Variants in SLC38A11 observed in about 807,000 individuals in gnomAD.
SLC38A11 encodes the protein putative sodium-coupled neutral amino acid transporter 11.
In SLC38A11, 51 loss-of-function variants were observed where a neutral mutation model predicts 49.4. That is an observed-to-expected ratio of 1.03 (90% CI 0.83 to 1.30). The LOEUF (loss-of-function observed/expected upper bound fraction) is 1.30, where lower values mean the gene tolerates loss of function less well. Among genes scored for constraint, SLC38A11 ranks in the 50% most tolerant of loss-of-function variants. The probability of loss-of-function intolerance (pLI) is 0.00; values close to 1 mark genes in which losing one functional copy is unlikely to be tolerated. For missense variants in SLC38A11, 574 were observed against 556.2 expected (o/e 1.03, Z -0.32); for synonymous variants, 203 against 192.9 (o/e 1.05, Z -0.43).
intron 10 of SLC38A11, among the ~76,000 whole-genome samples, chr2:164,909,781 A>G (rs1685269227): frequency 6.6e-6 from 1 of 152,040 alleles, no homozygotes. Context: ...AAATAACAGA[A>G]GGTCAGATAT....
At chr2:164,910,440 C>T (rs546127317) in intron 10 of SLC38A11, among the ~76,000 whole-genome samples, 60 of 152,020 alleles carry the variant, frequency 3.9e-4, no homozygotes, top group African/African-American at 1.3e-3. Context: ...AGTAAAGTTT[C>T]GAAAGGCTCT....
At chr2:164,950,616 T>G (rs1336292266) in intron 3 of SLC38A11, among the ~76,000 whole-genome samples, 1 of 152,192 alleles carries the variant, frequency 6.6e-6, no homozygotes, top group Non-Finnish European at 1.5e-5. Context: ...GAATTTTCTT[T>G]TAAATAATTT....
rs749015959 is a variant in SLC38A11, at chr2:164,915,987, CA to C, written c.618-15del. ...TCTGTTTTTGGTCTAGAAGAAAAAT[CA>C]GTTAACTTGATAAATTGTTAAATAA... On this transcript the variant is annotated splice_polypyrimidine_tract_variant and intron_variant, in intron 7 of 11. Transcript: ENST00000685975. 1 of 1,559,608 alleles carries C rather than the reference CA, an allele frequency of 6.4e-7. No homozygotes were observed. Among genetic ancestry groups the C allele is most frequent in the South Asian group, 1.2e-5 (1 of 86,896 alleles).
intron 5 of SLC38A11, among the ~76,000 whole-genome samples, chr2:164,940,748 ATG>A (rs890550173): frequency 1.4e-5 from 2 of 147,766 alleles, no homozygotes; most frequent in African/African-American, 5.0e-5. Context: ...TATGTATATG[ATG>A]TATATATATA....
chr2:164,898,637 T>A lies in SLC38A11; in HGVS notation c.1189A>T (p.Met397Leu). ...EEPRTHSDKI[M>L]SCVMLPIGAV... ...CCAATGGGAAGCATGACACAAGACA[T>A]AATCTTATCGGAGTGTGTCCTTGGT... The change falls in exon 12 of 12, where the codon ATG (methionine) becomes TTG (leucine). Residue 397 changes from methionine to leucine, a missense_variant. Physicochemically the swap from Met to Leu is conservative, Grantham distance 15 (BLOSUM62 2). Transcript: ENST00000685975. 1.2e-6 allele frequency: 2 copies of A among 1,613,490 alleles called. No individual in the cohort carries two copies. Among genetic ancestry groups the A allele is most frequent in the South Asian group, 2.2e-5 (2 of 91,062 alleles).
intron 7 of SLC38A11, among the ~76,000 whole-genome samples, chr2:164,918,967 A>G (rs1685990864): frequency 6.6e-6 from 1 of 152,218 alleles, no homozygotes. Flanking sequence ...TCAATATCAT[A>G]TAAACATCAA....
intron 7 of SLC38A11, among the ~76,000 whole-genome samples, chr2:164,936,751 G>A (rs1036155439): frequency 6.6e-6 from 1 of 152,102 alleles, no homozygotes; most frequent in African/African-American, 2.4e-5. Context: ...GTGTAGTTTA[G>A]ATTGACAATA....
Position 164,925,660 on chromosome 2 carries a change from A to G in SLC38A11, c.618-9687T>C, listed in dbSNP as rs1187775751. 2.6e-5 allele frequency among the ~76,000 whole-genome samples: 4 copies of G among 152,194 alleles called. No individual in the cohort carries two copies. The East Asian group carries it at 5.8e-4, about 22-fold the overall frequency. ...CCTGGTAAATAACATAAAAGAAGGT[A>G]GACCTCTGTATGTCTCCCTAGCAGC... On this transcript the variant is annotated intron_variant, in intron 7 of 11. Coordinates refer to ENST00000685975, the MANE Select transcript of SLC38A11 (RefSeq NM_001351537.2).
intron 10 of SLC38A11, among the ~76,000 whole-genome samples, chr2:164,910,714 A>G (rs1265762939): frequency 1.3e-5 from 2 of 152,026 alleles, no homozygotes; most frequent in African/African-American, 4.8e-5. Flanking sequence ...ATCTCATTAG[A>G]CCCTTTCACA....
chr2:164,917,158 A>C (rs1184197975), intron 7 of SLC38A11, among the ~76,000 whole-genome samples: 3 of 152,300 alleles, frequency 2.0e-5, no homozygotes, highest in Admixed American at 6.6e-5. Flanking sequence ...GTAAGACTCA[A>C]AACAATGCAT....
intron 3 of SLC38A11, among the ~76,000 whole-genome samples, chr2:164,946,018 T>TGGCAAATA (rs1688082116): frequency 6.6e-6 from 1 of 152,158 alleles, no homozygotes; most frequent in African/African-American, 2.4e-5. Context: ...CAGTGTTCCA[T>TGGCAAATA]TTTACTTTCC....
chr2:164,939,038 G>C (rs1687566115), intron 6 of SLC38A11, among the ~76,000 whole-genome samples: 1 of 151,964 alleles, frequency 6.6e-6, no homozygotes, highest in African/African-American at 2.4e-5. Context: ...AAGCACAATA[G>C]ACATTGTAAT....
intron 3 of SLC38A11, among the ~76,000 whole-genome samples, chr2:164,947,379 G>T (rs866712783): frequency 6.6e-6 from 1 of 151,860 alleles, no homozygotes; most frequent in Non-Finnish European, 1.5e-5. Context: ...TGATCCACCC[G>T]CCTAGGCCTC....
Position 164,897,209 on chromosome 2 carries a change from C to A in SLC38A11, c.*1228G>T, listed in dbSNP as rs1194676719. On this transcript the variant is annotated 3_prime_UTR_variant, in exon 12 of 12. Coordinates refer to ENST00000685975, the MANE Select transcript of SLC38A11 (RefSeq NM_001351537.2). ...GCACAGCTGTGTCTCCCAGATACCC[C>A]TGTAAGGAAGCATGTGGTGACAAAG... 1 of 152,122 alleles carries A rather than the reference C, an allele frequency of 6.6e-6. No homozygotes were observed. The highest frequency in any genetic ancestry group is 1.5e-5 in the Non-Finnish European group (1 of 68,024). 9.4% of individuals were successfully genotyped at this position (152,122 alleles called of 1,614,324 possible). A position where few individuals can be genotyped will look rare whatever the true frequency, so the allele number is the denominator to read the frequency against.
At chr2:164,917,666 T>G (rs1033429260) in intron 7 of SLC38A11, among the ~76,000 whole-genome samples, 1 of 152,172 alleles carries the variant, frequency 6.6e-6, no homozygotes, top group Non-Finnish European at 1.5e-5. Context: ...GCAATATGCT[T>G]TAAATGGTAT....
At chr2:164,933,125 G>A (rs1404517484) in intron 7 of SLC38A11, among the ~76,000 whole-genome samples, 4 of 152,134 alleles carry the variant, frequency 2.6e-5, no homozygotes, top group South Asian at 4.2e-4. Flanking sequence ...AATACCACAC[G>A]ATTAAAATGC....
At chr2:164,920,308 G>T (rs538422343) in intron 7 of SLC38A11, among the ~76,000 whole-genome samples, 2 of 148,830 alleles carry the variant, frequency 1.3e-5, no homozygotes, top group African/African-American at 4.9e-5. Context: ...AAGGAAGGAA[G>T]AAAGAAATAA....
intron 7 of SLC38A11, among the ~76,000 whole-genome samples, chr2:164,917,491 A>G (rs1573918602): frequency 6.6e-6 from 1 of 152,166 alleles, no homozygotes; most frequent in South Asian, 2.1e-4. Flanking sequence ...AACTACTGCC[A>G]CCTGCTGCCT....
chr2:164,939,605 T>C lies in SLC38A11; in HGVS notation c.431-49A>G, dbSNP rs1362884295. 3 of 1,213,152 alleles carry C rather than the reference T, an allele frequency of 2.5e-6. No homozygotes were observed. In the East Asian group the frequency reaches 7.1e-5, roughly 29 times the overall value. 75.1% of individuals were successfully genotyped at this position (1,213,152 alleles called of 1,614,324 possible). On this transcript the variant is annotated intron_variant, in intron 5 of 11. Coordinates refer to ENST00000685975, the MANE Select transcript of SLC38A11 (RefSeq NM_001351537.2). ...AATGTTACAGGTATAAGTAACACAT[T>C]GGTGACACACTAAATAGGCCAGCAT...
Sources: gnomAD v4.1 joint callset for allele counts (sites outside exome capture counted in the v4.1 genomes callset) on GRCh38, gnomAD v4.1.1 for gene constraint, MANE v1.5 for transcripts, NCBI Gene and HGNC (gene_info 2026-07-23, HGNC 2026-07-21) for gene names.